The following SLC25A12 variants were observed in gnomAD, a reference collection of about 807,000 sequenced individuals.
The protein encoded by SLC25A12 is electrogenic aspartate/glutamate antiporter SLC25A12, mitochondrial.
In SLC25A12, 32 loss-of-function variants were observed where a neutral mutation model predicts 83.3. The observed-to-expected ratio is 0.38, with a 90% confidence interval of 0.29 to 0.52. The LOEUF is 0.52. Among genes scored for constraint, SLC25A12 ranks in the 20% least tolerant of loss-of-function variants. SLC25A12 has a pLI of 0.84. For missense variants in SLC25A12, 611 were observed against 835.6 expected, an observed-to-expected ratio of 0.73 and a Z score of 3.31; for synonymous variants, 267 against 291.1, an observed-to-expected ratio of 0.92 and a Z score of 0.84.
chr2:171,857,796 C>T (rs1685076656), intron 3 of SLC25A12, among the ~76,000 whole-genome samples: 1 of 151,552 alleles, frequency 6.6e-6, no homozygotes, highest in African/African-American at 2.4e-5. Context: ...AAGGATGAGG[C>T]ATGAGGATCA....
intron 6 of SLC25A12, among the ~76,000 whole-genome samples, chr2:171,836,691 G>A (rs1684564415): frequency 6.6e-6 from 1 of 152,176 alleles, no homozygotes; most frequent in South Asian, 2.1e-4. Flanking sequence ...GCAAGACCTT[G>A]GGAGCCCGGT....
chr2:171,787,032 C>G (rs1464862941), intron 17 of SLC25A12, among the ~76,000 whole-genome samples: 3 of 152,196 alleles, frequency 2.0e-5, no homozygotes, highest in African/African-American at 7.2e-5. Context: ...CAATTATTTA[C>G]ACAGCATTTT....
chr2:171,809,930 A>G (rs1683915741), intron 12 of SLC25A12, among the ~76,000 whole-genome samples: 1 of 152,172 alleles, frequency 6.6e-6, no homozygotes, highest in Admixed American at 6.5e-5. Flanking sequence ...CAGTGGCATG[A>G]TCATAGCTCA....
At chr2:171,812,251 C>T (rs931913361) in intron 11 of SLC25A12, among the ~76,000 whole-genome samples, 4 of 152,072 alleles carry the variant, frequency 2.6e-5, no homozygotes. Flanking sequence ...ATGAGTTTAT[C>T]GGAGTTATAT....
At chr2:171,859,739 A>G (rs1466769936) in intron 3 of SLC25A12, among the ~76,000 whole-genome samples, 1 of 151,868 alleles carries the variant, frequency 6.6e-6, no homozygotes, top group Non-Finnish European at 1.5e-5. Flanking sequence ...ATGGAATGAT[A>G]AAAACGTTCT....
At chr2:171,869,531 C>G (rs1685412764) in intron 2 of SLC25A12, among the ~76,000 whole-genome samples, 1 of 152,118 alleles carries the variant, frequency 6.6e-6, no homozygotes, top group Non-Finnish European at 1.5e-5. Context: ...CAAGACCTCT[C>G]ATCATTCCAA....
At chr2:171,837,035 C>A in intron 6 of SLC25A12, 86 bp downstream of exon 6, 1 of 1,284,136 alleles carries the variant, frequency 7.8e-7, no homozygotes, top group South Asian at 1.2e-5. Context: ...AGTTGAGAGT[C>A]ATATGAGTCC....
At position 171,844,420 on chromosome 2, in the gene SLC25A12, C is replaced by G; in HGVS notation, c.414G>C (p.Gly138=). 6.2e-7 allele frequency: 1 copy of G among 1,613,892 alleles called. No individual in the cohort carries two copies. The highest frequency in any genetic ancestry group is 8.5e-7 in the Non-Finnish European group (1 of 1,179,882). Residue 138 remains glycine, a synonymous_variant, in exon 5 of 18, where the codon GGG becomes GGC. Transcript: ENST00000422440. ...AGTTAAGATGCTTCTTCCGGTTATG[C>G]CCAAAATGCAGTCGGATAAATTCAC... ...WDCEFIRLHF[G]HNRKKHLNYT...
chr2:171,853,213 C>CTAGAT (rs1684970393), intron 4 of SLC25A12, among the ~76,000 whole-genome samples: 1 of 152,032 alleles, frequency 6.6e-6, no homozygotes, highest in Admixed American at 6.6e-5. Context: ...ATTCCTGTCT[C>CTAGAT]TAGATTATGG....
At chr2:171,827,380 G>A (rs1338603019) in intron 8 of SLC25A12, among the ~76,000 whole-genome samples, 2 of 152,088 alleles carry the variant, frequency 1.3e-5, no homozygotes, top group African/African-American at 4.8e-5. Flanking sequence ...AATAGGGTCT[G>A]GAGACAGGCA....
At chr2:171,797,918 ATT>A in intron 13 of SLC25A12, among the ~76,000 whole-genome samples, 2 of 152,234 alleles carry the variant, frequency 1.3e-5, no homozygotes, top group South Asian at 4.1e-4. Context: ...CCTTTGCTGA[ATT>A]TTTTTCACTC....
intron 9 of SLC25A12, among the ~76,000 whole-genome samples, chr2:171,816,200 G>C (rs1037855643): frequency 2.0e-5 from 3 of 151,682 alleles, no homozygotes; most frequent in Middle Eastern, 3.4e-3. Context: ...GAAGTAGCTA[G>C]GACTACAGGT....
Position 171,815,129 on chromosome 2 carries a change from A to G in SLC25A12, c.1004T>C (p.Val335Ala). ...ACAGACATGTCACTCACCTCCAGCA[A>G]CTGAGCCCAGAGTGAATCTGTAAGC... Reference protein sequence around the residue: ...ESAYRFTLGSVAGAVGATAVY... With the variant: ...ESAYRFTLGSAAGAVGATAVY... Residue 335 changes from valine to alanine, a missense_variant, in exon 10 of 18, where the codon GTT (valine) becomes GCT (alanine). Physicochemically the swap from Val to Ala is moderately conservative, Grantham distance 64 (BLOSUM62 0). This residue lies in a region of SLC25A12 where 540 missense variants were observed against 777.5 expected (regional missense o/e 0.69). Coordinates refer to ENST00000422440, the MANE Select transcript of SLC25A12 (RefSeq NM_003705.5). The G allele has an allele frequency of 6.2e-7, 1 of 1,613,466 alleles. No homozygotes were observed. The highest frequency in any genetic ancestry group is 8.5e-7 in the Non-Finnish European group (1 of 1,179,490).
intron 1 of SLC25A12, among the ~76,000 whole-genome samples, chr2:171,893,502 T>C (rs541246739): frequency 6.6e-6 from 1 of 152,214 alleles, no homozygotes; most frequent in African/African-American, 2.4e-5. Context: ...TCCTCTGGAC[T>C]GGAAAGGGAA....
At chr2:171,886,513 T>C (rs1685822803) in intron 2 of SLC25A12, among the ~76,000 whole-genome samples, 1 of 141,244 alleles carries the variant, frequency 7.1e-6, no homozygotes, top group African/African-American at 2.9e-5. Context: ...ATATATATTC[T>C]TTTTTTTTTG....
intron 13 of SLC25A12, among the ~76,000 whole-genome samples, chr2:171,799,921 G>C (rs1026482124): frequency 6.6e-6 from 1 of 152,198 alleles, no homozygotes; most frequent in Non-Finnish European, 1.5e-5. Flanking sequence ...TATACTCTCT[G>C]AAAGAGGTAA....
intron 13 of SLC25A12, among the ~76,000 whole-genome samples, chr2:171,802,173 T>C (rs573893305): frequency 8.6e-5 from 13 of 151,744 alleles, no homozygotes; most frequent in African/African-American, 3.1e-4. Flanking sequence ...TTTTAAAAAA[T>C]TATTATTATT....
At chr2:171,881,465 G>A (rs1009232875) in intron 2 of SLC25A12, among the ~76,000 whole-genome samples, 2 of 152,076 alleles carry the variant, frequency 1.3e-5, no homozygotes, top group Non-Finnish European at 2.9e-5. Context: ...TATTTTCTGT[G>A]TAAATGTATG....
At chr2:171,837,627 T>C (rs1383577936) in intron 5 of SLC25A12, among the ~76,000 whole-genome samples, 2 of 152,228 alleles carry the variant, frequency 1.3e-5, no homozygotes, top group Non-Finnish European at 1.5e-5. Context: ...TCTCTCCTGC[T>C]TGAAGGCTTA....
Sources: allele counts gnomAD v4.1 joint callset (sites outside exome capture counted in the v4.1 genomes callset), GRCh38; gene constraint gnomAD v4.1.1; regional missense constraint gnomAD v4.1.1; transcripts MANE v1.5; gene names NCBI Gene and HGNC (gene_info 2026-07-23, HGNC 2026-07-21).